Variants in TMEM164 observed in about 807,000 individuals in gnomAD.
TMEM164 encodes the protein transmembrane protein 164.
In TMEM164, 4 loss-of-function variants were observed where a neutral mutation model predicts 18.8. The ratio of observed to expected loss-of-function variants is 0.21; its 90% CI spans 0.10 to 0.49. The LOEUF is 0.49. Ranked by LOEUF, TMEM164 falls within the 20% of genes least tolerant of loss-of-function variation. The probability of loss-of-function intolerance (pLI) is 0.98; values close to 1 mark genes in which losing one functional copy is unlikely to be tolerated. For missense variants in TMEM164, 108 were observed against 239.9 expected, an observed-to-expected ratio of 0.45 and a Z score of 3.63; for synonymous variants, 86 against 101.7, an observed-to-expected ratio of 0.85 and a Z score of 0.93.
At chrX:110,112,732 C>T (rs760788664) in intron 4 of TMEM164, among the ~76,000 whole-genome samples, 2 of 111,902 alleles carry the variant, frequency 1.8e-5, no homozygotes, top group Admixed American at 9.5e-5. Flanking sequence ...TGGCCACCCT[C>T]ATGCTGCCTC....
chrX:110,151,698 G>T (rs963370698), intron 5 of TMEM164, among the ~76,000 whole-genome samples: 2 of 111,438 alleles, frequency 1.8e-5, no homozygotes, highest in East Asian at 5.6e-4. Context: ...CATGAGAATC[G>T]CTTGAACCCA....
At chrX:110,060,956 A>G (rs906159970) in intron 2 of TMEM164, among the ~76,000 whole-genome samples, 4 of 112,273 alleles carry the variant, frequency 3.6e-5, no homozygotes, top group Non-Finnish European at 7.5e-5. Context: ...CAGTTACCCT[A>G]TGAAATAATA....
chrX:110,014,740 G>GTTT (rs1933217889), intron 2 of TMEM164, among the ~76,000 whole-genome samples: 6 of 51,213 alleles, frequency 1.2e-4, no homozygotes, highest in African/African-American at 3.9e-4. Context: ...TTTTTTGGTT[G>GTTT]TTTCTTTTTT....
chrX:110,082,862 C>T (rs900896596), intron 3 of TMEM164, among the ~76,000 whole-genome samples: 2 of 110,850 alleles, frequency 1.8e-5, no homozygotes, highest in Non-Finnish European at 3.8e-5. Context: ...TTACTTATAT[C>T]TATTAGCTAT....
chrX:110,004,162 C>G lies in TMEM164; in HGVS notation c.388C>G (p.His130Asp). 1 of 1,188,878 alleles carries G rather than the reference C, an allele frequency of 8.4e-7. No homozygotes were observed. The highest frequency in any genetic ancestry group is 1.1e-6 in the Non-Finnish European group (1 of 886,778). Residue 130 changes from histidine (H) to aspartate (D), a missense_variant and splice_region_variant, in exon 2 of 7, where the codon CAT (histidine) becomes GAT (aspartate). By Grantham distance (81) the His-to-Asp change is moderately conservative. Coordinates refer to ENST00000372068, the MANE Select transcript of TMEM164 (RefSeq NM_032227.4). ...CCCCTGTCACCTGGTCACCATGATGCATGTGAGTCTGTTGACTTTTTCCTG... is the reference window on the plus strand; with the variant it reads ...CCCCTGTCACCTGGTCACCATGATGGATGTGAGTCTGTTGACTTTTTCCTG... ...LNPCHLVTMM[H>D]IFLLACPPCR...
chrX:110,134,110 C>T (rs2066650444), intron 4 of TMEM164, among the ~76,000 whole-genome samples: 1 of 111,818 alleles, frequency 8.9e-6, no homozygotes, highest in Non-Finnish European at 1.9e-5. Flanking sequence ...GAACAAACAG[C>T]ATCTTTTATG....
chrX:110,019,457 C>T (rs940549343), intron 2 of TMEM164, among the ~76,000 whole-genome samples: 26 of 111,434 alleles, frequency 2.3e-4, no homozygotes, highest in African/African-American at 8.5e-4. Flanking sequence ...TTGATCTTCT[C>T]TCCTCTATCC....
chrX:110,160,988 G>GTGA (rs2067086228), intron 5 of TMEM164, among the ~76,000 whole-genome samples: 3 of 112,388 alleles, frequency 2.7e-5, no homozygotes, highest in Middle Eastern at 4.6e-3. Flanking sequence ...GATTACAGGC[G>GTGA]TGAGCCACCG....
chrX:110,153,568 A>G (rs1196630002), intron 5 of TMEM164, among the ~76,000 whole-genome samples: 1 of 111,541 alleles, frequency 9.0e-6, no homozygotes, highest in African/African-American at 3.3e-5. Context: ...CTCGGTATCC[A>G]TGGGGAATTG....
At chrX:110,079,614 G>A (rs531912838) in intron 3 of TMEM164, among the ~76,000 whole-genome samples, 92 of 111,819 alleles carry the variant, frequency 8.2e-4, no homozygotes, top group African/African-American at 2.8e-3. Context: ...ACCCATCATG[G>A]GGAAAGTTTG....
intron 5 of TMEM164, among the ~76,000 whole-genome samples, chrX:110,167,744 G>A (rs1265574357): frequency 1.8e-5 from 2 of 111,702 alleles, no homozygotes; most frequent in Non-Finnish European, 3.8e-5. Flanking sequence ...AGTGCCCACT[G>A]TGTACCAGGT....
chrX:110,095,963 G>T (rs1013849971), intron 3 of TMEM164, among the ~76,000 whole-genome samples: 3 of 112,458 alleles, frequency 2.7e-5, no homozygotes, highest in Non-Finnish European at 3.8e-5. Flanking sequence ...TCCAGAACCC[G>T]TTTGCCTGGG....
chrX:110,084,414 T>C (rs1421568281), intron 3 of TMEM164, among the ~76,000 whole-genome samples: 2 of 93,516 alleles, frequency 2.1e-5, no homozygotes, highest in Non-Finnish European at 4.2e-5. Context: ...ATATATAGTG[T>C]ATATATATAT....
Position 110,020,474 on chromosome X carries a change from C to G in TMEM164, c.390+16310C>G, listed in dbSNP as rs963965289. 3 of 751,782 alleles carry G rather than the reference C, an allele frequency of 4.0e-6. No individual in the cohort carries two copies. In the African/African-American group the frequency reaches 7.0e-5, roughly 17 times the overall value. 62.0% of individuals were successfully genotyped at this position (751,782 alleles called of 1,213,427 possible). The stretch of plus-strand genomic sequence containing the variant: ...AGGAGGAGAAGAGGAGAGCATCATG[C>G]AAGCTAGAGAAGAGAAAGAAGAAAA... On this transcript the variant is annotated intron_variant, in intron 2 of 6. Transcript: ENST00000372068.
chrX:110,178,483 T>A (rs1218661748), downstream of TMEM164, among the ~76,000 whole-genome samples: 1 of 111,627 alleles, frequency 9.0e-6, no homozygotes, highest in Non-Finnish European at 1.9e-5. Flanking sequence ...GTGTTCTTTT[T>A]CAGGAAGAGA....
intron 2 of TMEM164, among the ~76,000 whole-genome samples, chrX:110,051,899 G>C (rs1935579196): frequency 8.9e-6 from 1 of 112,121 alleles, no homozygotes; most frequent in Admixed American, 9.4e-5. Flanking sequence ...AAAAGCAACA[G>C]ATGTTCATGA....
chrX:110,037,110 C>T (rs932671883), intron 2 of TMEM164, among the ~76,000 whole-genome samples: 3 of 108,972 alleles, frequency 2.8e-5, no homozygotes, highest in Non-Finnish European at 5.7e-5. Context: ...CTGGTAGAGC[C>T]GTAGAGAGAG....
Position 110,071,799 on chromosome X carries a change from G to A in TMEM164, c.440+4403G>A, listed in dbSNP as rs1310413091. ...GCCTGTAGTCCCAGCTACTTGAGAGGTTGAGGCAGGAGGATCACTTGAGCC... is the reference window on the plus strand; with the variant it reads ...GCCTGTAGTCCCAGCTACTTGAGAGATTGAGGCAGGAGGATCACTTGAGCC... On this transcript the variant is annotated intron_variant, in intron 3 of 6. Transcript: ENST00000372068. Among the ~76,000 whole-genome samples, 4 of 108,885 alleles carry A rather than the reference G, an allele frequency of 3.7e-5. No individual in the cohort carries two copies. In the Admixed American group the frequency reaches 4.0e-4, roughly 11 times the overall value. 94.6% of individuals were successfully genotyped at this position (108,885 alleles called of 115,157 possible).
intron 3 of TMEM164, among the ~76,000 whole-genome samples, chrX:110,080,621 G>A (rs999065879): frequency 1.8e-5 from 2 of 112,235 alleles, no homozygotes; most frequent in Non-Finnish European, 3.8e-5. Context: ...GGAATCTTGT[G>A]TAAATATAGT....
Sources: gnomAD v4.1 joint callset for allele counts (sites outside exome capture counted in the v4.1 genomes callset) on GRCh38, gnomAD v4.1.1 for gene constraint, MANE v1.5 for transcripts, NCBI Gene and HGNC (gene_info 2026-07-23, HGNC 2026-07-21) for gene names.